CRYBG2: variants seen among roughly 807,000 people sequenced by gnomAD.
CRYBG2 encodes the protein crystallin beta-gamma domain containing 2, also known as beta/gamma crystallin domain-containing protein 2.
Under a neutral mutation model 153.4 loss-of-function variants are expected in CRYBG2, and 106 were observed. The ratio of observed to expected loss-of-function variants is 0.69; its 90% CI spans 0.59 to 0.81. The LOEUF is 0.81. Among genes scored for constraint, CRYBG2 ranks in the 30% least tolerant of loss-of-function variants. The probability of loss-of-function intolerance (pLI) is 0.00; values close to 1 mark genes in which losing one functional copy is unlikely to be tolerated. For missense variants in CRYBG2, 1,996 were observed against 2,112.0 expected, an observed-to-expected ratio of 0.95 and a Z score of 1.08; for synonymous variants, 851 against 877.8, an observed-to-expected ratio of 0.97 and a Z score of 0.54.
rs966183184 is a variant in CRYBG2, at chr1:26,345,520, C to T, written c.1138G>A (p.Gly380Arg). The T allele has an allele frequency of 2.8e-5, 44 of 1,597,120 alleles. No homozygotes were observed. The highest frequency in any genetic ancestry group is 1.1e-4 in the East Asian group (5 of 44,668). ...AGAACAAGGGGAGTGAGCCGGGCCCCGGGGTGAGTGGGCACCACAGGCTGC... is the reference window on the plus strand; with the variant it reads ...AGAACAAGGGGAGTGAGCCGGGCCCTGGGGTGAGTGGGCACCACAGGCTGC... ...AKQPVVPTHP[G>R]ARLTPLVLPP... Residue 380 changes from glycine to arginine, a missense_variant, in exon 2 of 20, where the codon GGG becomes AGG. By Grantham distance (125) the Gly-to-Arg change is moderately radical (BLOSUM62 -2). Transcript: ENST00000308182.
chr1:26,324,010 G>A (rs1394141709), intron 18 of CRYBG2, 142 bp downstream of exon 18: 2 of 807,950 alleles, frequency 2.5e-6, no homozygotes, highest in African/African-American at 1.7e-5. Context: ...TGCCCAGGGG[G>A]AACAGTCTGC....
chr1:26,337,018 A>C, intron 10 of CRYBG2, 38 bp from the exon 11 acceptor site: 2 of 1,610,014 alleles, frequency 1.2e-6, no homozygotes, highest in Non-Finnish European at 1.7e-6. Flanking sequence ...TCCCGCCCAC[A>C]AACCGAAACC....
At position 26,331,702 on chromosome 1, in the gene CRYBG2, T is replaced by A. The variant is rs971155387; in HGVS notation, c.4185-84A>T. 3.2e-6 allele frequency: 5 copies of A among 1,549,952 alleles called. No homozygotes were observed. In the African/African-American group the frequency reaches 6.8e-5, roughly 21 times the overall value. ...TTCCCCTGAGATACAGAAGAGGGAA[T>A]GCAGACTTGATCATGATCCCCTGTC... is the stretch of plus-strand genomic sequence containing the variant. On this transcript the variant is annotated intron_variant, in intron 14 of 19. Coordinates refer to ENST00000308182, the MANE Select transcript of CRYBG2 (RefSeq NM_001039775.4).
chr1:26,332,705 C>T (rs1013292751), intron 14 of CRYBG2, among the ~76,000 whole-genome samples: 2 of 151,926 alleles, frequency 1.3e-5, no homozygotes, highest in East Asian at 1.9e-4. Context: ...GGGGTTTCAC[C>T]GTGTTGGCCA....
intron 1 of CRYBG2, among the ~76,000 whole-genome samples, chr1:26,352,088 A>G (rs1472666989): frequency 6.6e-6 from 1 of 151,780 alleles, no homozygotes; most frequent in Non-Finnish European, 1.5e-5. Flanking sequence ...GTCTAACCCA[A>G]CAAGTCCTGG....
intron 1 of CRYBG2, among the ~76,000 whole-genome samples, chr1:26,353,054 A>G (rs2074303090): frequency 6.6e-6 from 1 of 152,080 alleles, no homozygotes; most frequent in South Asian, 2.1e-4. Context: ...CACAGGGCCA[A>G]AGAGGTTTCT....
chr1:26,337,069 G>T, intron 10 of CRYBG2, 89 bp from the exon 11 acceptor site: 4 of 1,573,202 alleles, frequency 2.5e-6, no homozygotes, highest in Non-Finnish European at 3.4e-6. Flanking sequence ...CCCACCCGGG[G>T]AATTAGGGGT....
rs570593924 is a variant in CRYBG2, at chr1:26,348,945, G to A, written c.-55-2233C>T. The stretch of plus-strand genomic sequence containing the variant: ...GCACTTTGGGAGGCCGAGGCAGGCC[G>A]ATCACCTGAGGTCAGGAGTTCGAGA... On this transcript the variant is annotated intron_variant, in intron 1 of 19. Transcript: ENST00000308182. Among the ~76,000 whole-genome samples the A allele has an allele frequency of 3.9e-5, 6 of 151,984 alleles. No individual in the cohort carries two copies. The East Asian group carries it at 9.8e-4, about 25-fold the overall frequency.
At chr1:26,350,529 CTCAGA>C (rs2074275067) in intron 1 of CRYBG2, among the ~76,000 whole-genome samples, 1 of 152,122 alleles carries the variant, frequency 6.6e-6, no homozygotes, top group Non-Finnish European at 1.5e-5. Context: ...TTTTTAAATG[CTCAGA>C]GAGGTTAAGA....
chr1:26,328,611 G>T, intron 16 of CRYBG2, 123 bp downstream of exon 16: 1 of 1,410,268 alleles, frequency 7.1e-7, no homozygotes, highest in Non-Finnish European at 9.5e-7. Context: ...CTCCTTCCTG[G>T]CTTGGAGGGG....
rs768401443 is a variant in CRYBG2, at chr1:26,345,719, C to A, written c.939G>T (p.Pro313=). Residue 313 remains proline (P), a synonymous_variant, in exon 2 of 20, where the codon CCG becomes CCT. Transcript: ENST00000308182. The part of the protein sequence containing the change: ...PKNQDAPAAC[P]DRDQGRAPDA... ...CCGGGGCTCTGCCCTGGTCTCTGTC[C>A]GGACAGGCTGCAGGGGCATCCTGAT... 9 of 1,597,426 alleles carry A rather than the reference C, an allele frequency of 5.6e-6. No homozygotes were observed. Among genetic ancestry groups the A allele is most frequent in the African/African-American group, 1.3e-5 (1 of 75,016 alleles).
intron 1 of CRYBG2, among the ~76,000 whole-genome samples, chr1:26,351,040 G>A (rs1045729551): frequency 7.2e-5 from 11 of 152,202 alleles, no homozygotes; most frequent in African/African-American, 2.7e-4. Flanking sequence ...GACTGCTGGT[G>A]GCTATGACAG....
chr1:26,336,809 C>T lies in CRYBG2; in HGVS notation c.3911+32G>A. The T allele has an allele frequency of 6.4e-7, 1 of 1,558,480 alleles. No individual in the cohort carries two copies. Among genetic ancestry groups the T allele is most frequent in the Non-Finnish European group, 8.7e-7 (1 of 1,153,628 alleles). On this transcript the variant is annotated intron_variant, in intron 11 of 19. Coordinates refer to ENST00000308182, the MANE Select transcript of CRYBG2 (RefSeq NM_001039775.4). This position sits in a 1 kb window ranked among gnomAD's most constrained non-coding sequence, Gnocchi z 4.9. ...TGGAACCGCCCCCGGCTCGCCCGGGCCCGCCCCGCTCCCGGAGCCCGGGTC... is the reference window on the plus strand; with the variant it reads ...TGGAACCGCCCCCGGCTCGCCCGGGTCCGCCCCGCTCCCGGAGCCCGGGTC...
At chr1:26,340,011 C>T (rs12563321) in intron 5 of CRYBG2, among the ~76,000 whole-genome samples, 29,659 of 152,160 alleles carry the variant, frequency 0.19, 3,036 homozygotes, top group South Asian at 0.24. Context: ...ATAGCCTTGC[C>T]TCTGGGTAGC....
chr1:26,351,615 T>C (rs1346443234), intron 1 of CRYBG2, among the ~76,000 whole-genome samples: 2 of 152,292 alleles, frequency 1.3e-5, no homozygotes, highest in South Asian at 2.1e-4. Flanking sequence ...CGGCCGATCA[T>C]GAGATCAGAT....
Position 26,328,304 on chromosome 1 carries a change from G to A in CRYBG2, c.4483C>T (p.Arg1495Trp), listed in dbSNP as rs1365192082. The A allele has an allele frequency of 3.2e-5, 50 of 1,571,342 alleles. No homozygotes were observed. Among genetic ancestry groups the A allele is most frequent in the Middle Eastern group, 1.7e-4 (1 of 6,042 alleles). ...IWVLCEHSDF[R>W]GRQWLVGSCE... ...CTTCCCACCAGCCACTGGCGGCCCC[G>A]GAAGTCACTGTGTTCACATAGCACC... The change falls in exon 17 of 20, where the codon CGG becomes TGG. Residue 1495 changes from arginine (R) to tryptophan (W), a missense_variant. Physicochemically the swap from Arg to Trp is moderately radical, Grantham distance 101. Coordinates refer to ENST00000308182, the MANE Select transcript of CRYBG2 (RefSeq NM_001039775.4).
Position 26,346,455 on chromosome 1 carries a change from A to T in CRYBG2, c.203T>A (p.Phe68Tyr). ...CACAGTCTCTTCTTCCTGTGTTGCA[A>T]AGCCATTGACTTCCACTTCCTCTCG... ...SRREEVEVNGFATQEEETVNC... is the reference protein window; with the variant it reads ...SRREEVEVNGYATQEEETVNC... Residue 68 changes from phenylalanine to tyrosine, a missense_variant, in exon 2 of 20, where the codon TTT (phenylalanine) becomes TAT (tyrosine). Physicochemically the swap from Phe to Tyr is conservative, Grantham distance 22. Coordinates refer to ENST00000308182, the MANE Select transcript of CRYBG2 (RefSeq NM_001039775.4). The surrounding 1 kb of genome is among the most constrained non-coding windows in gnomAD (Gnocchi z 4.9). 1 of 1,605,854 alleles carries T rather than the reference A, an allele frequency of 6.2e-7. No individual in the cohort carries two copies. The highest frequency in any genetic ancestry group is 2.2e-5 in the East Asian group (1 of 44,872).
intron 14 of CRYBG2, among the ~76,000 whole-genome samples, chr1:26,332,776 G>C (rs1235739304): frequency 6.6e-6 from 1 of 151,668 alleles, no homozygotes. Flanking sequence ...AGAGTGCTGG[G>C]ATTACAGGCA....
chr1:26,339,408 T>C lies in CRYBG2; in HGVS notation c.3226A>G (p.Ser1076Gly). The part of the protein sequence containing the change: ...VVWDYSTPEI[S>G]LFSEEGLKGE... ...TTGAGGCCCTCCTCAGAGAAGAGGC[T>C]GATTTCCGGGGTGCTGTAGTCCTGT... Residue 1076 changes from serine (S) to glycine (G), a missense_variant, in exon 6 of 20, where the codon AGC becomes GGC. Physicochemically the swap from Ser to Gly is moderately conservative, Grantham distance 56. Transcript: ENST00000308182. 1 of 1,614,140 alleles carries C rather than the reference T, an allele frequency of 6.2e-7. No individual in the cohort carries two copies. Among genetic ancestry groups the C allele is most frequent in the Non-Finnish European group, 8.5e-7 (1 of 1,180,030 alleles).
Sources: allele counts gnomAD v4.1 joint callset (sites outside exome capture counted in the v4.1 genomes callset), GRCh38; gene constraint gnomAD v4.1.1; non-coding constraint Gnocchi (gnomAD v3.1); transcripts MANE v1.5; gene names NCBI Gene and HGNC (gene_info 2026-07-23, HGNC 2026-07-21).